Variants in ACVR1 observed in about 807,000 individuals in gnomAD.
The protein encoded by ACVR1 is activin A receptor type 1.
A neutral mutation model predicts 57.1 loss-of-function variants in ACVR1; 38 were observed. That is an observed-to-expected ratio of 0.67 (90% confidence interval 0.51 to 0.87). The LOEUF is 0.87. ACVR1 is among the 40% of genes least tolerant of loss of function. ACVR1 has a pLI of 0.00. For synonymous variants in ACVR1, 212 were observed against 228.1 expected, an observed-to-expected ratio of 0.93 and a Z score of 0.63; for missense variants, 463 against 638.2, an observed-to-expected ratio of 0.73 and a Z score of 2.96.
intron 2 of ACVR1, among the ~76,000 whole-genome samples, chr2:157,812,163 C>A (rs1331786205): frequency 6.6e-6 from 1 of 152,186 alleles, no homozygotes; most frequent in African/African-American, 2.4e-5. Flanking sequence ...CAGTGAGCAT[C>A]CCTGGTGCCC....
chr2:157,774,089 G>A lies in ACVR1; in HGVS notation c.642C>T (p.Val214=), dbSNP rs1393779648. Residue 214 remains valine (V), a splice_region_variant and synonymous_variant, in exon 6 of 11, where the codon GTC becomes GTT. Coordinates refer to ENST00000434821, the MANE Select transcript of ACVR1 (RefSeq NM_001111067.4). ...AAAGAAAGGAAAAAAAAGAATTACC[G>A]ACACACTCCAACAGTGTAATCTGGC... The part of the protein sequence containing the change: ...VARQITLLEC[V]GKGRYGEVWR... 55 of 1,612,836 alleles carry A rather than the reference G, an allele frequency of 3.4e-5. No individual in the cohort carries two copies. The highest frequency in any genetic ancestry group is 3.3e-4 in the South Asian group (30 of 91,038).
intron 1 of ACVR1, among the ~76,000 whole-genome samples, chr2:157,859,738 G>A (rs1184629949): frequency 6.6e-6 from 1 of 152,022 alleles, no homozygotes; most frequent in Non-Finnish European, 1.5e-5. Flanking sequence ...CACCAAATAA[G>A]TTCCAGCCCC....
chr2:157,847,960 C>T (rs1466556846), intron 1 of ACVR1, among the ~76,000 whole-genome samples: 2 of 152,134 alleles, frequency 1.3e-5, no homozygotes, highest in Non-Finnish European at 2.9e-5. Context: ...ACCAGAGCTG[C>T]ATTCTTAAAA....
At chr2:157,805,700 A>C (rs1169499613) in intron 2 of ACVR1, among the ~76,000 whole-genome samples, 1 of 151,820 alleles carries the variant, frequency 6.6e-6, no homozygotes, top group Non-Finnish European at 1.5e-5. Flanking sequence ...TTCAGGTCTT[A>C]ACCCACCACC....
intron 9 of ACVR1, among the ~76,000 whole-genome samples, chr2:157,749,567 T>A (rs1685100912): frequency 6.6e-6 from 1 of 152,156 alleles, no homozygotes; most frequent in African/African-American, 2.4e-5. Context: ...TTGATCATTC[T>A]CCTCAAGTTA....
At chr2:157,759,532 ACTT>A (rs781229593) in intron 9 of ACVR1, among the ~76,000 whole-genome samples, 4 of 152,146 alleles carry the variant, frequency 2.6e-5, no homozygotes, top group Non-Finnish European at 4.4e-5. Context: ...CTTAAATAGA[ACTT>A]CTTCTTGAAC....
Position 157,737,555 on chromosome 2 carries a change from G to C in ACVR1, c.1506C>G (p.Leu502=). The part of the protein sequence containing the change: ...KKTLTKIDNS[L]DKLKTDC ...GTCAACAGTCAGTTTTCAATTTGTCGAGGGAATTATCAATTTTGGTCAAAG... is the reference window on the plus strand; with the variant it reads ...GTCAACAGTCAGTTTTCAATTTGTCCAGGGAATTATCAATTTTGGTCAAAG... The change falls in exon 11 of 11, where the codon CTC becomes CTG. Residue 502 remains leucine, a synonymous_variant. Transcript: ENST00000434821. 2 of 1,614,026 alleles carry C rather than the reference G, an allele frequency of 1.2e-6. No homozygotes were observed. The highest frequency in any genetic ancestry group is 1.7e-6 in the Non-Finnish European group (2 of 1,179,972).
At chr2:157,740,383 T>C (rs1449680282) in intron 9 of ACVR1, among the ~76,000 whole-genome samples, 2 of 152,042 alleles carry the variant, frequency 1.3e-5, no homozygotes, top group Admixed American at 1.3e-4. Flanking sequence ...CCAGGAAACA[T>C]TCAAACAAAA....
At chr2:157,842,902 C>T (rs77593017) in intron 1 of ACVR1, among the ~76,000 whole-genome samples, 2,416 of 152,178 alleles carry the variant, frequency 0.016, 76 homozygotes, top group African/African-American at 0.055. Context: ...GTACAGATTC[C>T]AGGTTTCCTA....
At chr2:157,856,909 C>T (rs934682565) in intron 1 of ACVR1, among the ~76,000 whole-genome samples, 1 of 152,090 alleles carries the variant, frequency 6.6e-6, no homozygotes, top group Admixed American at 6.6e-5. Context: ...TGAAAATATA[C>T]AATCCTGGGC....
chr2:157,778,217 T>C lies in ACVR1; in HGVS notation c.457A>G (p.Asn153Asp), dbSNP rs1281575126. 1 of 1,614,096 alleles carries C rather than the reference T, an allele frequency of 6.2e-7. No homozygotes were observed. The highest frequency in any genetic ancestry group is 1.1e-5 in the South Asian group (1 of 91,078). The change falls in exon 5 of 11, where the codon AAC (asparagine) becomes GAC (aspartate). Residue 153 changes from asparagine (N) to aspartate (D), a missense_variant. Asn to Asp is a conservative substitution (Grantham distance 23). Around this residue, in one of 3 missense-constraint regions of ACVR1, gnomAD observed 203 missense variants for 235.5 expected, o/e 0.86. Coordinates refer to ENST00000434821, the MANE Select transcript of ACVR1 (RefSeq NM_001111067.4). Reference sequence around the variant, plus strand: ...TCTCGGGGATTGAGGCGTTCTTGGTTGCGCCTTTTAAATTTTCGGAGAGCA... The same window carrying C: ...TCTCGGGGATTGAGGCGTTCTTGGTCGCGCCTTTTAAATTTTCGGAGAGCA... The part of the protein sequence containing the change: ...GVALRKFKRR[N>D]QERLNPRDVE...
At chr2:157,846,201 A>T (rs1689122955) in intron 1 of ACVR1, among the ~76,000 whole-genome samples, 1 of 152,212 alleles carries the variant, frequency 6.6e-6, no homozygotes, top group Non-Finnish European at 1.5e-5. Context: ...GAGACGATGG[A>T]AACAGAGATG....
intron 1 of ACVR1, among the ~76,000 whole-genome samples, chr2:157,855,496 A>G (rs1206474978): frequency 6.6e-6 from 1 of 151,784 alleles, no homozygotes; most frequent in Non-Finnish European, 1.5e-5. Context: ...GCCAATGTCA[A>G]TGAACAACTG....
At chr2:157,808,820 A>C (rs1360235368) in intron 2 of ACVR1, among the ~76,000 whole-genome samples, 1 of 152,130 alleles carries the variant, frequency 6.6e-6, no homozygotes, top group Non-Finnish European at 1.5e-5. Flanking sequence ...TCAGGAGAAA[A>C]ATAGATCCGG....
At chr2:157,784,906 A>G (rs1686660183) in intron 3 of ACVR1, among the ~76,000 whole-genome samples, 1 of 152,246 alleles carries the variant, frequency 6.6e-6, no homozygotes, top group Non-Finnish European at 1.5e-5. Flanking sequence ...AATTTGGTAT[A>G]ATCTTGTACT....
intron 1 of ACVR1, chr2:157,874,983 A>G (rs1185156283): frequency 6.6e-6 from 1 of 151,438 alleles, no homozygotes; most frequent in Non-Finnish European, 1.5e-5. Flanking sequence ...GCAGCGTTCA[A>G]ATCTCCAGGG....
chr2:157,797,246 T>C (rs1559062652), intron 3 of ACVR1, among the ~76,000 whole-genome samples: 1 of 152,200 alleles, frequency 6.6e-6, no homozygotes. Context: ...GATCAAATAT[T>C]ATGAACCTAA....
intron 1 of ACVR1, among the ~76,000 whole-genome samples, chr2:157,854,215 A>G (rs1479791294): frequency 9.2e-5 from 14 of 152,072 alleles, no homozygotes; most frequent in South Asian, 4.2e-4. Flanking sequence ...AAAAAAAAAA[A>G]AAGAAGCATT....
chr2:157,840,151 G>T (rs1324774383), intron 1 of ACVR1, among the ~76,000 whole-genome samples: 1 of 152,206 alleles, frequency 6.6e-6, no homozygotes, highest in East Asian at 1.9e-4. Context: ...CTTGAAAAGA[G>T]AACCTGCTGA....
Sources: allele counts gnomAD v4.1 joint callset (sites outside exome capture counted in the v4.1 genomes callset), GRCh38; gene constraint gnomAD v4.1.1; regional missense constraint gnomAD v4.1.1; transcripts MANE v1.5; gene names NCBI Gene and HGNC (gene_info 2026-07-23, HGNC 2026-07-21).